CPQ: variants seen among roughly 807,000 people sequenced by gnomAD.
CPQ encodes Ser-Met dipeptidase.
In CPQ, 37 loss-of-function variants were observed where a neutral mutation model predicts 45.7. The observed-to-expected ratio is 0.81, with a 90% confidence interval of 0.62 to 1.07. The LOEUF is 1.07. CPQ is among the 50% of genes least tolerant of loss of function. The probability of loss-of-function intolerance (pLI) is 0.00; values close to 1 mark genes in which losing one functional copy is unlikely to be tolerated. For missense variants in CPQ, 537 were observed against 572.9 expected, an observed-to-expected ratio of 0.94 and a Z score of 0.64; for synonymous variants, 186 against 205.8, an observed-to-expected ratio of 0.90 and a Z score of 0.82.
At chr8:97,134,535 G>T (rs1017199615) in intron 7 of CPQ, among the ~76,000 whole-genome samples, 18 of 152,320 alleles carry the variant, frequency 1.2e-4, no homozygotes, top group African/African-American at 4.3e-4. Context: ...TGTAATTCAA[G>T]TCTTTACTCT....
chr8:96,970,853 G>A (rs141967188), intron 5 of CPQ, among the ~76,000 whole-genome samples: 1,679 of 152,222 alleles, frequency 0.011, 25 homozygotes, highest in African/African-American at 0.038. Context: ...GTGAGCCACC[G>A]CGCCCGGCCA....
chr8:96,928,024 C>T (rs532515175), intron 4 of CPQ, among the ~76,000 whole-genome samples: 3 of 152,322 alleles, frequency 2.0e-5, no homozygotes, highest in Admixed American at 2.0e-4. Flanking sequence ...AAAGCAGACA[C>T]AAGCACTGAA....
At chr8:97,063,341 A>C (rs967113989) in intron 6 of CPQ, among the ~76,000 whole-genome samples, 1 of 151,824 alleles carries the variant, frequency 6.6e-6, no homozygotes, top group Non-Finnish European at 1.5e-5. Flanking sequence ...TTCTCTTGTA[A>C]ATTTGTTTAA....
chr8:97,010,327 T>TA (rs1301391890), intron 5 of CPQ, among the ~76,000 whole-genome samples: 1 of 152,146 alleles, frequency 6.6e-6, no homozygotes, highest in African/African-American at 2.4e-5. Flanking sequence ...AGTAAAAATA[T>TA]AAAAAATCTG....
At chr8:96,765,578 G>A (rs1379380065) in intron 1 of CPQ, among the ~76,000 whole-genome samples, 1 of 151,774 alleles carries the variant, frequency 6.6e-6, no homozygotes, top group Non-Finnish European at 1.5e-5. Flanking sequence ...CTAATACCAC[G>A]ATGCTGTAAA....
intron 1 of CPQ, among the ~76,000 whole-genome samples, chr8:96,762,192 G>A (rs1392812481): frequency 6.6e-6 from 1 of 152,132 alleles, no homozygotes; most frequent in Non-Finnish European, 1.5e-5. Flanking sequence ...TTGAACAAGT[G>A]GTTTATGTCC....
intron 1 of CPQ, among the ~76,000 whole-genome samples, chr8:96,672,117 CA>C (rs2130721345): frequency 6.6e-6 from 1 of 152,112 alleles, no homozygotes; most frequent in African/African-American, 2.4e-5. Flanking sequence ...AAACAGGAGG[CA>C]AAAATAAAGC....
intron 1 of CPQ, among the ~76,000 whole-genome samples, chr8:96,770,045 G>A (rs557276751): frequency 6.6e-6 from 1 of 152,264 alleles, no homozygotes; most frequent in African/African-American, 2.4e-5. Flanking sequence ...ATAGTAAAGT[G>A]AGCTCAATTA....
intron 4 of CPQ, among the ~76,000 whole-genome samples, chr8:96,954,564 GT>G (rs1224703400): frequency 6.6e-6 from 1 of 151,764 alleles, no homozygotes; most frequent in African/African-American, 2.4e-5. Flanking sequence ...TATCTATTAA[GT>G]TTTAAAAATT....
chr8:97,031,941 T>C (rs1409356355), intron 6 of CPQ, among the ~76,000 whole-genome samples: 1 of 152,242 alleles, frequency 6.6e-6, no homozygotes, highest in African/African-American at 2.4e-5. Flanking sequence ...TGGATTCTTA[T>C]GATTAGCATA....
chr8:96,698,483 G>A (rs780787001), intron 1 of CPQ, among the ~76,000 whole-genome samples: 3 of 151,948 alleles, frequency 2.0e-5, no homozygotes, highest in African/African-American at 4.8e-5. Context: ...GGCAACCACC[G>A]CAAAAATTGA....
chr8:97,011,063 G>A (rs1299520115), intron 5 of CPQ, among the ~76,000 whole-genome samples: 1 of 152,120 alleles, frequency 6.6e-6, no homozygotes, highest in East Asian at 1.9e-4. Flanking sequence ...AAATGCAAAT[G>A]AGTCTTGAGC....
chr8:96,872,441 G>A (rs1010396747), intron 3 of CPQ, among the ~76,000 whole-genome samples: 1 of 151,650 alleles, frequency 6.6e-6, no homozygotes, highest in African/African-American at 2.4e-5. Context: ...TAGCTTATAC[G>A]GTACCAGATT....
At chr8:97,092,296 A>G (rs1043113979) in intron 7 of CPQ, 4 of 152,170 alleles carry the variant, frequency 2.6e-5, no homozygotes, top group Non-Finnish European at 5.9e-5. Flanking sequence ...AGGCTATAAA[A>G]TGTTCAGTTT....
chr8:96,707,583 TA>T (rs1809549171), intron 1 of CPQ, among the ~76,000 whole-genome samples: 1 of 152,064 alleles, frequency 6.6e-6, no homozygotes, highest in African/African-American at 2.4e-5. Flanking sequence ...ACCCCTGATC[TA>T]GATCATTGTA....
chr8:97,109,471 C>G (rs897718148), intron 7 of CPQ, among the ~76,000 whole-genome samples: 1 of 152,106 alleles, frequency 6.6e-6, no homozygotes, highest in Non-Finnish European at 1.5e-5. Flanking sequence ...TTCCCCTCAC[C>G]CTTCACAGCT....
chr8:96,934,844 C>A (rs1813023527), intron 4 of CPQ, among the ~76,000 whole-genome samples: 2 of 152,100 alleles, frequency 1.3e-5, no homozygotes, highest in South Asian at 4.1e-4. Context: ...AGGGCCATAC[C>A]CAAAGATAAG....
chr8:97,130,104 G>C (rs1019497080), intron 7 of CPQ, among the ~76,000 whole-genome samples: 1 of 152,156 alleles, frequency 6.6e-6, no homozygotes, highest in Non-Finnish European at 1.5e-5. Flanking sequence ...TATTAAATAA[G>C]AAATAATTCA....
chr8:97,040,179 C>T (rs1406586936), intron 6 of CPQ, among the ~76,000 whole-genome samples: 6 of 151,396 alleles, frequency 4.0e-5, no homozygotes, highest in Admixed American at 2.0e-4. Context: ...GCCATTCTAA[C>T]TGGTGTGAGA....
Sources: gnomAD v4.1 joint callset for allele counts (sites outside exome capture counted in the v4.1 genomes callset) on GRCh38, gnomAD v4.1.1 for gene constraint, MANE v1.5 for transcripts, NCBI Gene and HGNC (gene_info 2026-07-23, HGNC 2026-07-21) for gene names.